ZBTB46: variants seen among roughly 807,000 people sequenced by gnomAD.
ZBTB46 encodes the protein zinc finger and BTB domain-containing protein 46.
A neutral mutation model predicts 44.1 loss-of-function variants in ZBTB46; 8 were observed. The ratio of observed to expected loss-of-function variants is 0.18; its 90% confidence interval spans 0.11 to 0.33. The LOEUF is 0.33. Among genes scored for constraint, ZBTB46 ranks in the 10% least tolerant of loss-of-function variants. The pLI, the probability that ZBTB46 is intolerant of heterozygous loss-of-function variation, is 1.00. For synonymous variants in ZBTB46, 409 were observed against 382.3 expected, an observed-to-expected ratio of 1.07 and a Z score of -0.81; for missense variants, 651 against 847.7, an observed-to-expected ratio of 0.77 and a Z score of 2.88.
chr20:63,813,322 G>A (rs1025914215), intron 1 of ZBTB46, among the ~76,000 whole-genome samples: 3 of 151,546 alleles, frequency 2.0e-5, no homozygotes, highest in Admixed American at 6.6e-5. Context: ...GGTGGAGCGC[G>A]CCTGTAATCC....
intron 3 of ZBTB46, among the ~76,000 whole-genome samples, chr20:63,755,790 A>G (rs949955830): frequency 6.6e-6 from 1 of 152,224 alleles, no homozygotes; most frequent in Non-Finnish European, 1.5e-5. Context: ...TCATTCTCAT[A>G]AACACTGGGA....
In ZBTB46 at chr20:63,790,577, A is replaced by C; in HGVS notation, c.181T>G (p.Cys61Gly). Residue 61 changes from cysteine (C) to glycine (G), a missense_variant, in exon 2 of 5, where the codon TGC becomes GGC. Coordinates refer to ENST00000245663, the MANE Select transcript of ZBTB46 (RefSeq NM_001369741.1). ...GSSRYFKTLY[C>G]QVQKTSEQAT... ...TGCTCCGACGTCTTCTGCACCTGGC[A>C]GTAGAGCGTCTTGAAGTAGCGGCTG... 6.2e-7 allele frequency: 1 copy of C among 1,613,300 alleles called. No individual in the cohort carries two copies. The highest frequency in any genetic ancestry group is 8.5e-7 in the Non-Finnish European group (1 of 1,180,024).
At position 63,790,349 on chromosome 20, in the gene ZBTB46, C is replaced by A. The variant is rs751781670; in HGVS notation, c.409G>T (p.Ala137Ser). Residue 137 changes from alanine to serine, a missense_variant, in exon 2 of 5, where the codon GCC becomes TCC. This residue lies in a region of ZBTB46 where 385 missense variants were observed against 423.3 expected (regional missense o/e 0.91). Coordinates refer to ENST00000245663, the MANE Select transcript of ZBTB46 (RefSeq NM_001369741.1). ...TCGAACTCCGCAAGCTCATCTGAGG[C>A]GTCCGACTTGATGCTGATGTCCAGC... ...AALDISIKSD[A>S]SDELAEFEIG... 5 of 1,613,212 alleles carry A rather than the reference C, an allele frequency of 3.1e-6. No homozygotes were observed. Among genetic ancestry groups the A allele is most frequent in the Non-Finnish European group, 4.2e-6 (5 of 1,179,990 alleles).
chr20:63,760,472 T>G lies in ZBTB46; in HGVS notation c.1223-7611A>C, dbSNP rs535804820. 1.4e-4 allele frequency among the ~76,000 whole-genome samples: 19 copies of G among 139,224 alleles called. No homozygotes were observed. The East Asian group carries it at 4.4e-3, about 33-fold the overall frequency. 91.3% of individuals were successfully genotyped at this position (139,224 alleles called of 152,430 possible). ...CACAGGAGTTATATCAGTGTTTTTG[T>G]TTTTTTTTTTTGAGACAGAGTCTCA... On this transcript the variant is annotated intron_variant, in intron 3 of 4. Coordinates refer to ENST00000245663, the MANE Select transcript of ZBTB46 (RefSeq NM_001369741.1).
rs570271684 is a variant in ZBTB46, at chr20:63,827,093, C to T, written c.-34+4004G>A. On this transcript the variant is annotated intron_variant, in intron 1 of 4. Transcript: ENST00000245663. Reference sequence around the variant, plus strand: ...ACAGCAGTCCACACAGCAGTCCAGGCACCCTCCTCCCAGCCTTGGGCCGTT... The same window carrying T: ...ACAGCAGTCCACACAGCAGTCCAGGTACCCTCCTCCCAGCCTTGGGCCGTT... 1.5e-3 allele frequency among the ~76,000 whole-genome samples: 235 copies of T among 152,282 alleles called. 1 individual carries two copies. The highest frequency in any genetic ancestry group is 3.5e-3 in the South Asian group (17 of 4,820).
At chr20:63,791,234 G>T (rs535138188) in intron 1 of ZBTB46, among the ~76,000 whole-genome samples, 1 of 152,262 alleles carries the variant, frequency 6.6e-6, no homozygotes, top group East Asian at 1.9e-4. Context: ...GGTGGCTCAT[G>T]CCTGTAATCC....
chr20:63,759,762 C>T (rs6011088), intron 3 of ZBTB46, among the ~76,000 whole-genome samples: 27 of 152,214 alleles, frequency 1.8e-4, no homozygotes, highest in African/African-American at 6.3e-4. Context: ...TCACAATTAA[C>T]CAAAAGGTTA....
chr20:63,752,566 C>T lies in ZBTB46; in HGVS notation c.1398+120G>A. The T allele has an allele frequency of 8.1e-6, 10 of 1,236,240 alleles. No homozygotes were observed. The highest frequency in any genetic ancestry group is 1.1e-5 in the Non-Finnish European group (10 of 943,274). 76.6% of individuals were successfully genotyped at this position (1,236,240 alleles called of 1,614,324 possible). ...GGATCTCCCTGCCCTGCTGTCGTCC[C>T]CCCTGTGCAGAGTGGACCCGGTGTG... On this transcript the variant is annotated intron_variant, in intron 4 of 4. Transcript: ENST00000245663. The surrounding 1 kb of genome is among the most constrained non-coding windows in gnomAD (Gnocchi z 5.6).
intron 3 of ZBTB46, among the ~76,000 whole-genome samples, chr20:63,771,226 C>G (rs1435054207): frequency 6.6e-6 from 1 of 152,154 alleles, no homozygotes; most frequent in Admixed American, 6.5e-5. Flanking sequence ...GAGAGAGGAG[C>G]CGGCGGCCCC....
chr20:63,754,579 G>A (rs2093118), intron 3 of ZBTB46, among the ~76,000 whole-genome samples: 1 of 151,580 alleles, frequency 6.6e-6, no homozygotes, highest in Non-Finnish European at 1.5e-5. Flanking sequence ...TTATAGGTGT[G>A]AGCCACTGTG....
rs555322501 is a variant in ZBTB46, at chr20:63,787,511, C to T, written c.937+2310G>A. Among the ~76,000 whole-genome samples the T allele has an allele frequency of 2.0e-5, 3 of 152,176 alleles. No homozygotes were observed. The highest frequency in any genetic ancestry group is 4.4e-5 in the Non-Finnish European group (3 of 68,038). On this transcript the variant is annotated intron_variant, in intron 2 of 4. Transcript: ENST00000245663. The surrounding 1 kb of genome is among the most constrained non-coding windows in gnomAD (Gnocchi z 4.6). ...TCTTGTATACCCTATTTTTACAGCACCCTTTCTATGTTTAGACACACAAAC... is the reference window on the plus strand; with the variant it reads ...TCTTGTATACCCTATTTTTACAGCATCCTTTCTATGTTTAGACACACAAAC...
chr20:63,833,052 G>A (rs1162014621), upstream of ZBTB46, among the ~76,000 whole-genome samples: 4 of 152,212 alleles, frequency 2.6e-5, no homozygotes, highest in South Asian at 4.1e-4. Flanking sequence ...GCTCTCTTGC[G>A]CAAAAGAGAA....
chr20:63,768,002 A>G (rs1428882535), intron 3 of ZBTB46: 4 of 985,324 alleles, frequency 4.1e-6, no homozygotes, highest in Non-Finnish European at 4.8e-6. Context: ...GAGACAGACA[A>G]GTTACAGACC....
At position 63,816,111 on chromosome 20, in the gene ZBTB46, AGTGGGCGCAG is replaced by A. The variant is rs1238530199; in HGVS notation, c.-34+14976_-34+14985del. 7.8e-4 allele frequency among the ~76,000 whole-genome samples: 108 copies of A among 138,624 alleles called. 1 individual carries two copies. Among genetic ancestry groups the A allele is most frequent in the Middle Eastern group, 4.3e-3 (1 of 232 alleles). 90.9% of individuals were successfully genotyped at this position (138,624 alleles called of 152,430 possible). A position where few individuals can be genotyped will look rare whatever the true frequency, so the allele number is the denominator to read the frequency against. Reference sequence around the variant, plus strand: ...GCACAGGTGCAGTGGGCGCAGGTGCAGTGGGCGCAGGTGGGCGCAGGTGCAGTGGGTGCAG... The same window carrying A: ...GCACAGGTGCAGTGGGCGCAGGTGCAGTGGGCGCAGGTGCAGTGGGTGCAG... On this transcript the variant is annotated intron_variant, in intron 1 of 4. Coordinates refer to ENST00000245663, the MANE Select transcript of ZBTB46 (RefSeq NM_001369741.1).
At position 63,743,686 on chromosome 20, in the gene ZBTB46, C is replaced by CAATTT. The variant is rs1408886453; in HGVS notation, c.*3239_*3243dup. The CAATTT allele has an allele frequency of 1.3e-5, 2 of 152,350 alleles. No homozygotes were observed. The highest frequency in any genetic ancestry group is 3.7e-4 in the East Asian group (2 of 5,334). The allele number at this position is 152,350 out of a possible 1,614,324, so 9.4% of individuals were successfully genotyped here. A position where few individuals can be genotyped will look rare whatever the true frequency, so the allele number is the denominator to read the frequency against. On this transcript the variant is annotated 3_prime_UTR_variant, in exon 5 of 5. Transcript: ENST00000245663. Reference sequence around the variant, plus strand: ...GGCATCTGCTGGAGCAGCAATTTCCCAATTTATTGAAAGTGATCGCTTTGC... The same window carrying CAATTT: ...GGCATCTGCTGGAGCAGCAATTTCCCAATTTAATTTATTGAAAGTGATCGCTTTGC...
At chr20:63,753,935 C>A (rs1422941611) in intron 3 of ZBTB46, among the ~76,000 whole-genome samples, 2 of 152,248 alleles carry the variant, frequency 1.3e-5, no homozygotes. Context: ...AAGCACCTGC[C>A]CTCCTGACCA....
chr20:63,764,435 CAA>C (rs56731235), intron 3 of ZBTB46, among the ~76,000 whole-genome samples: 5 of 139,918 alleles, frequency 3.6e-5, no homozygotes, highest in African/African-American at 7.8e-5. Flanking sequence ...GGCCCTGTCT[CAA>C]AAAAAAAAAA....
chr20:63,774,705 TTTTTG>T (rs530974320), intron 3 of ZBTB46, among the ~76,000 whole-genome samples: 45,576 of 121,386 alleles, frequency 0.38, 9,505 homozygotes, highest in South Asian at 0.44. Context: ...TTTGTTTTTT[TTTTTG>T]TTTTTTTTTT....
At chr20:63,822,255 G>A (rs767451830) in intron 1 of ZBTB46, among the ~76,000 whole-genome samples, 3 of 152,172 alleles carry the variant, frequency 2.0e-5, no homozygotes, top group Admixed American at 6.5e-5. Context: ...TGGGAGAACC[G>A]GGAATAAACG....
Sources: gnomAD v4.1 joint callset for allele counts (sites outside exome capture counted in the v4.1 genomes callset) on GRCh38, gnomAD v4.1.1 for gene constraint, gnomAD v4.1.1 regional missense constraint, Gnocchi (gnomAD v3.1) non-coding constraint, MANE v1.5 for transcripts, NCBI Gene and HGNC (gene_info 2026-07-23, HGNC 2026-07-21) for gene names.